The following GABRB1 variants were observed in gnomAD, a reference collection of about 807,000 sequenced individuals.
GABRB1 encodes gamma-aminobutyric acid receptor subunit beta-1.
A neutral mutation model predicts 51.6 loss-of-function variants in GABRB1; 17 were observed. The ratio of observed to expected loss-of-function variants is 0.33; its 90% CI spans 0.23 to 0.49. The LOEUF (loss-of-function observed/expected upper bound fraction) is 0.49. GABRB1 is among the 20% of genes least tolerant of loss of function. The pLI, the probability that GABRB1 is intolerant of heterozygous loss-of-function variation, is 0.99. For synonymous variants in GABRB1, 247 were observed against 218.9 expected (o/e 1.13, Z -1.14); for missense variants, 410 against 600.6 (o/e 0.68, Z 3.32).
At chr4:47,256,426 AAT>A (rs1244786871) in intron 4 of GABRB1, among the ~76,000 whole-genome samples, 2 of 152,238 alleles carry the variant, frequency 1.3e-5, no homozygotes, top group Admixed American at 1.3e-4. Flanking sequence ...AAGAATAATT[AAT>A]GTTTGCTATT....
rs75436467 is a variant in GABRB1, at chr4:47,367,432, G to A, written c.545-35886G>A. Among the ~76,000 whole-genome samples, 554 of 152,224 alleles carry A rather than the reference G, an allele frequency of 3.6e-3. 1 individual carries two copies. Among genetic ancestry groups the A allele is most frequent in the Non-Finnish European group, 6.1e-3 (415 of 68,022 alleles). Reference sequence around the variant, plus strand: ...AAAGCTTATTCTATCCTCCAAAGGCGGCTCTACGGAGTCAACCTGACAGAA... The same window carrying A: ...AAAGCTTATTCTATCCTCCAAAGGCAGCTCTACGGAGTCAACCTGACAGAA... On this transcript the variant is annotated intron_variant, in intron 5 of 8. Transcript: ENST00000295454.
At chr4:46,996,060 C>T (rs1363482603) in intron 1 of GABRB1, among the ~76,000 whole-genome samples, 6 of 140,182 alleles carry the variant, frequency 4.3e-5, no homozygotes, top group Admixed American at 1.6e-4. Context: ...ATATTGCCTG[C>T]TAACTTGAGG....
In GABRB1 at chr4:47,136,517, T is replaced by G. The variant is rs200531903; in HGVS notation, c.241-24732T>G. Among the ~76,000 whole-genome samples the G allele has an allele frequency of 9.3e-3, 1,290 of 139,022 alleles. 11 individuals carry two copies. Among genetic ancestry groups the G allele is most frequent in the African/African-American group, 0.033 (1,207 of 36,546 alleles). The allele number at this position is 139,022 out of a possible 152,430, so 91.2% of individuals were successfully genotyped here. ...GATGTCTCTCTTACAAAGACCAAAT[T>G]AAAAAAAAATATATAAAAACAAAGA... On this transcript the variant is annotated intron_variant, in intron 3 of 8. Transcript: ENST00000295454.
intron 3 of GABRB1, among the ~76,000 whole-genome samples, chr4:47,061,671 G>A (rs1228614952): frequency 6.6e-6 from 1 of 152,154 alleles, no homozygotes; most frequent in African/African-American, 2.4e-5. Flanking sequence ...TCATGCAGAA[G>A]CTATATTGAA....
At chr4:47,032,787 C>A in intron 3 of GABRB1, 1 of 589,348 alleles carries the variant, frequency 1.7e-6, no homozygotes, top group South Asian at 1.5e-5. Context: ...GGTTTCCCTG[C>A]GTGTTTGGAT....
chr4:47,028,879 ATATATATGG>A (rs1432787220), upstream of GABRB1, among the ~76,000 whole-genome samples: 1 of 148,040 alleles, frequency 6.8e-6, no homozygotes, highest in African/African-American at 2.5e-5. Flanking sequence ...TACCATATAT[ATATATATGG>A]TGTATATGTA....
At chr4:47,377,587 G>C (rs560068496) in intron 5 of GABRB1, among the ~76,000 whole-genome samples, 6 of 152,016 alleles carry the variant, frequency 3.9e-5, no homozygotes, top group Admixed American at 2.6e-4. Context: ...GGACCCAAGC[G>C]GGTTGCCACT....
chr4:47,215,154 A>G, intron 4 of GABRB1, among the ~76,000 whole-genome samples: 1 of 152,124 alleles, frequency 6.6e-6, no homozygotes, highest in Non-Finnish European at 1.5e-5. Flanking sequence ...ACTCTTCTTC[A>G]TGGCTGCTGG....
chr4:47,388,651 A>C (rs544230400), intron 5 of GABRB1, among the ~76,000 whole-genome samples: 1 of 152,214 alleles, frequency 6.6e-6, no homozygotes, highest in Non-Finnish European at 1.5e-5. Context: ...ATAGAGAAAG[A>C]AGACAGATAA....
chr4:47,031,287 C>T, upstream of GABRB1: 1 of 268,882 alleles, frequency 3.7e-6, no homozygotes. Flanking sequence ...CAGCCTTAGC[C>T]AGATCACTGA....
At chr4:47,192,637 T>C (rs7672580) in intron 4 of GABRB1, among the ~76,000 whole-genome samples, 130,863 of 152,088 alleles carry the variant, frequency 0.86, 56,324 homozygotes, top group Middle Eastern at 0.92. Context: ...TGGTAGATAC[T>C]TTGGAATGTG....
intron 4 of GABRB1, among the ~76,000 whole-genome samples, chr4:47,269,935 T>TGCACACACAC (rs1553868809): frequency 2.9e-5 from 4 of 135,970 alleles, no homozygotes; most frequent in Non-Finnish European, 4.7e-5. Flanking sequence ...CAACTCTCCC[T>TGCACACACAC]ACACACACAC....
At chr4:47,293,114 T>TTTG (rs201509280) in intron 4 of GABRB1, among the ~76,000 whole-genome samples, 57 of 152,038 alleles carry the variant, frequency 3.7e-4, no homozygotes, top group African/African-American at 7.7e-4. Context: ...AGCACATAGT[T>TTTG]TTGTTGTTGT....
upstream of GABRB1, among the ~76,000 whole-genome samples, chr4:47,030,824 A>T (rs1057322483): frequency 1.3e-5 from 2 of 152,240 alleles, no homozygotes; most frequent in East Asian, 1.9e-4. Context: ...TTCTTATCAC[A>T]ACCTGGAGGA....
Position 47,161,464 on chromosome 4 carries a change from AC to A in GABRB1, c.457del (p.Leu153SerfsTer10). 6.2e-7 allele frequency: 1 copy of A among 1,609,556 alleles called. No individual in the cohort carries two copies. Among genetic ancestry groups the A allele is most frequent in the Non-Finnish European group, 8.5e-7 (1 of 1,176,994 alleles). ...LHPDGTVLYG[L>X]RITTTAACMM... ...ATCCTGATGGAACAGTTCTCTATGG[AC>A]TCCGGTAAATGGCTTTATGTTGCAT... On this transcript the variant is annotated frameshift_variant, in exon 4 of 9. Coordinates refer to ENST00000295454, the MANE Select transcript of GABRB1 (RefSeq NM_000812.4). LOFTEE classifies it high-confidence loss of function.
intron 3 of GABRB1, among the ~76,000 whole-genome samples, chr4:47,155,095 C>A (rs1185140616): frequency 1.3e-5 from 2 of 152,060 alleles, no homozygotes; most frequent in African/African-American, 4.8e-5. Flanking sequence ...CAGGTATCTA[C>A]TCCTATTCCA....
chr4:47,326,838 T>G (rs189936447), intron 5 of GABRB1, among the ~76,000 whole-genome samples: 25 of 152,202 alleles, frequency 1.6e-4, no homozygotes, highest in African/African-American at 6.0e-4. Flanking sequence ...CATTTTGTCA[T>G]AGCAATCCAA....
At chr4:47,380,783 T>C (rs984252897) in intron 5 of GABRB1, among the ~76,000 whole-genome samples, 5 of 152,228 alleles carry the variant, frequency 3.3e-5, no homozygotes, top group Non-Finnish European at 7.3e-5. Context: ...AATGAGGCAC[T>C]GGACTTCATA....
intron 1 of GABRB1, among the ~76,000 whole-genome samples, chr4:46,996,983 C>A (rs1287937971): frequency 6.6e-6 from 1 of 152,074 alleles, no homozygotes; most frequent in African/African-American, 2.4e-5. Context: ...TGAAATGCTC[C>A]TGTTCCAAGA....
Sources: allele counts gnomAD v4.1 joint callset (sites outside exome capture counted in the v4.1 genomes callset), GRCh38; gene constraint gnomAD v4.1.1; transcripts MANE v1.5; gene names NCBI Gene and HGNC (gene_info 2026-07-23, HGNC 2026-07-21).